AGBL1: variants seen among roughly 807,000 people sequenced by gnomAD.
The protein encoded by AGBL1 is cytosolic carboxypeptidase 4.
AGBL1 carries 130 observed loss-of-function variants against 118.9 expected under a neutral mutation model. That is an observed-to-expected ratio of 1.09 (90% CI 0.95 to 1.26). The LOEUF is 1.26. AGBL1 is among the 50% of genes most tolerant of loss of function. The pLI is 0.00. For missense variants in AGBL1, 1,584 were observed against 1,298.1 expected (o/e 1.22, Z -3.38); for synonymous variants, 555 against 478.9 (o/e 1.16, Z -2.08).
intron 21 of AGBL1, among the ~76,000 whole-genome samples, chr15:86,640,249 C>T (rs1468884903): frequency 6.6e-6 from 1 of 151,986 alleles, no homozygotes; most frequent in African/African-American, 2.4e-5. Flanking sequence ...ATGTGTCATT[C>T]CTATGTTTAT....
At chr15:86,906,466 G>A (rs1334945532) in intron 22 of AGBL1, among the ~76,000 whole-genome samples, 1 of 152,188 alleles carries the variant, frequency 6.6e-6, no homozygotes, top group African/African-American at 2.4e-5. Context: ...CACTTACTCT[G>A]TCATTTGTTA....
chr15:86,547,125 A>G (rs896530257), intron 20 of AGBL1, among the ~76,000 whole-genome samples: 1 of 152,170 alleles, frequency 6.6e-6, no homozygotes, highest in Non-Finnish European at 1.5e-5. Context: ...CAGAATCAAC[A>G]GCTTATCCTC....
At chr15:86,113,835 A>G (rs1025300906) in intron 1 of AGBL1, among the ~76,000 whole-genome samples, 5 of 152,208 alleles carry the variant, frequency 3.3e-5, no homozygotes, top group African/African-American at 1.2e-4. Flanking sequence ...GCCCTTCCTC[A>G]AACTTGCTAG....
intron 22 of AGBL1, among the ~76,000 whole-genome samples, chr15:86,860,790 G>C (rs2079549639): frequency 6.6e-6 from 1 of 152,038 alleles, no homozygotes; most frequent in Non-Finnish European, 1.5e-5. Context: ...CTATGTTTCT[G>C]AAAATGTTAA....
At chr15:86,668,571 G>C (rs976284249) in intron 21 of AGBL1, among the ~76,000 whole-genome samples, 1 of 152,094 alleles carries the variant, frequency 6.6e-6, no homozygotes, top group African/African-American at 2.4e-5. Context: ...TTTCTTCACA[G>C]ATTTAATGTC....
chr15:86,461,440 G>A (rs1444655013), intron 18 of AGBL1, among the ~76,000 whole-genome samples: 1 of 152,098 alleles, frequency 6.6e-6, no homozygotes, highest in East Asian at 1.9e-4. Context: ...CCGCATCTGA[G>A]AAGAACGTTT....
intron 14 of AGBL1, among the ~76,000 whole-genome samples, chr15:86,270,633 G>A (rs1938405620): frequency 6.6e-6 from 1 of 152,174 alleles, no homozygotes; most frequent in Admixed American, 6.5e-5. Context: ...CTTTGAATGA[G>A]GAAGAAGTAT....
chr15:86,628,042 G>A lies in AGBL1; in HGVS notation c.2995-46231G>A, dbSNP rs1475014354. Among the ~76,000 whole-genome samples the A allele has an allele frequency of 2.0e-5, 3 of 152,224 alleles. No individual in the cohort carries two copies. The East Asian group carries it at 5.8e-4, about 29-fold the overall frequency. On this transcript the variant is annotated intron_variant, in intron 21 of 22. Coordinates refer to ENST00000614907, the MANE Select transcript of AGBL1 (RefSeq NM_001386094.1). Reference sequence around the variant, plus strand: ...AAGGTGTTAAGAGGGAGTGCCTTCTGAGTCTTGCAGGTGTCCTCTGTCTTT... The same window carrying A: ...AAGGTGTTAAGAGGGAGTGCCTTCTAAGTCTTGCAGGTGTCCTCTGTCTTT...
At chr15:86,128,006 A>T (rs1200339672) in intron 1 of AGBL1, among the ~76,000 whole-genome samples, 1 of 152,038 alleles carries the variant, frequency 6.6e-6, no homozygotes, top group Non-Finnish European at 1.5e-5. Context: ...GGCCATTCAT[A>T]TGTTTTTTTG....
At chr15:86,547,141 C>T (rs941049475) in intron 20 of AGBL1, among the ~76,000 whole-genome samples, 2 of 152,124 alleles carry the variant, frequency 1.3e-5, no homozygotes, top group Non-Finnish European at 2.9e-5. Flanking sequence ...TCCTCAATAA[C>T]CTGTTTGCTG....
At chr15:86,427,916 C>T (rs988059081) in intron 18 of AGBL1, among the ~76,000 whole-genome samples, 3 of 152,132 alleles carry the variant, frequency 2.0e-5, no homozygotes, top group Non-Finnish European at 2.9e-5. Context: ...GACAAATACC[C>T]TCTCCCTTTT....
intron 18 of AGBL1, among the ~76,000 whole-genome samples, chr15:86,421,154 A>G (rs1202894441): frequency 1.3e-5 from 2 of 152,186 alleles, no homozygotes; most frequent in Non-Finnish European, 2.9e-5. Context: ...CCTAAGACAC[A>G]TAACCGTCAG....
chr15:86,998,156 C>T (rs1415734273), intron 24 of AGBL1, among the ~76,000 whole-genome samples: 1 of 152,050 alleles, frequency 6.6e-6, no homozygotes, highest in Non-Finnish European at 1.5e-5. Flanking sequence ...AATTCCCTCC[C>T]GTTGAGTATG....
At chr15:86,191,976 C>T (rs1027840887) in intron 5 of AGBL1, among the ~76,000 whole-genome samples, 1 of 151,076 alleles carries the variant, frequency 6.6e-6, no homozygotes, top group Non-Finnish European at 1.5e-5. Context: ...TGGCATGTGC[C>T]TGTAGTACCA....
At chr15:86,640,956 A>G (rs974470287) in intron 21 of AGBL1, among the ~76,000 whole-genome samples, 3 of 103,760 alleles carry the variant, frequency 2.9e-5, no homozygotes, top group Non-Finnish European at 5.8e-5. Flanking sequence ...TTATTTTTTA[A>G]TTACTGAGGT....
At chr15:86,327,516 T>G (rs1032434016) in intron 17 of AGBL1, among the ~76,000 whole-genome samples, 1 of 152,256 alleles carries the variant, frequency 6.6e-6, no homozygotes, top group Non-Finnish European at 1.5e-5. Flanking sequence ...GTTCAGCTTA[T>G]TTATTTTAAG....
At chr15:86,686,308 G>C (rs761778021) in intron 22 of AGBL1, among the ~76,000 whole-genome samples, 4 of 152,036 alleles carry the variant, frequency 2.6e-5, no homozygotes, top group Non-Finnish European at 5.9e-5. Context: ...GTCTTAGCTA[G>C]TTTTTAACCT....
At chr15:86,143,395 T>C (rs1482943924) in intron 2 of AGBL1, among the ~76,000 whole-genome samples, 1 of 152,218 alleles carries the variant, frequency 6.6e-6, no homozygotes, top group Admixed American at 6.5e-5. Flanking sequence ...TTTACATACA[T>C]GTACACACAT....
intron 23 of AGBL1, among the ~76,000 whole-genome samples, chr15:86,956,675 T>G (rs1425592046): frequency 6.6e-6 from 1 of 152,156 alleles, no homozygotes; most frequent in Non-Finnish European, 1.5e-5. Context: ...AAAAATAGTT[T>G]TGCAGCAACA....
Sources: gnomAD v4.1 joint callset for allele counts (sites outside exome capture counted in the v4.1 genomes callset) on GRCh38, gnomAD v4.1.1 for gene constraint, MANE v1.5 for transcripts, NCBI Gene and HGNC (gene_info 2026-07-23, HGNC 2026-07-21) for gene names.